MAST4: variants seen among roughly 807,000 people sequenced by gnomAD.
MAST4 encodes microtubule-associated serine/threonine-protein kinase 4.
MAST4 carries 89 observed loss-of-function variants against 162.7 expected under a neutral mutation model. The observed-to-expected ratio is 0.55, with a 90% CI of 0.46 to 0.65. The LOEUF (loss-of-function observed/expected upper bound fraction) is 0.65. MAST4 is among the 30% of genes least tolerant of loss of function. The pLI is 0.00. For missense variants in MAST4, 3,153 were observed against 3,374.0 expected, an observed-to-expected ratio of 0.93 and a Z score of 1.62; for synonymous variants, 1,479 against 1,361.1, an observed-to-expected ratio of 1.09 and a Z score of -1.91.
intron 1 of MAST4, among the ~76,000 whole-genome samples, chr5:66,612,060 G>T (rs752075601): frequency 6.6e-6 from 1 of 152,200 alleles, no homozygotes; most frequent in Non-Finnish European, 1.5e-5. Context: ...CCTAGAAAAT[G>T]AGGGCTTGAT....
intron 4 of MAST4, chr5:66,964,046 A>T (rs1020839547): frequency 6.3e-6 from 4 of 636,018 alleles, no homozygotes; most frequent in Middle Eastern, 5.1e-4. Flanking sequence ...TTAGGGAATG[A>T]TCTGCACTGA....
intron 4 of MAST4, among the ~76,000 whole-genome samples, chr5:66,906,571 G>A (rs1044343318): frequency 1.3e-5 from 2 of 152,122 alleles, no homozygotes; most frequent in Non-Finnish European, 2.9e-5. Context: ...AAACATTCCA[G>A]TATTAGAAAT....
intron 1 of MAST4, among the ~76,000 whole-genome samples, chr5:66,601,760 G>C (rs549316561): frequency 2.6e-4 from 39 of 152,286 alleles, no homozygotes; most frequent in Admixed American, 1.6e-3. Context: ...AGAGCTGTCT[G>C]GACTTTATTC....
At chr5:67,088,726 T>A (rs575041006) in intron 5 of MAST4, among the ~76,000 whole-genome samples, 1 of 152,308 alleles carries the variant, frequency 6.6e-6, no homozygotes, top group South Asian at 2.1e-4. Context: ...ATGATAAATT[T>A]CATTGCAGCA....
chr5:66,811,286 A>G (rs1416960105), intron 3 of MAST4, among the ~76,000 whole-genome samples: 4 of 152,244 alleles, frequency 2.6e-5, no homozygotes, highest in South Asian at 4.1e-4. Context: ...ATTGTTTGCA[A>G]ATTAGTGAAG....
At chr5:67,030,334 T>A (rs1755153684) in intron 4 of MAST4, among the ~76,000 whole-genome samples, 1 of 152,174 alleles carries the variant, frequency 6.6e-6, no homozygotes, top group Non-Finnish European at 1.5e-5. Context: ...GGTTGTTTTC[T>A]TTTTAAACTT....
chr5:66,934,808 A>T (rs933696634), intron 4 of MAST4, among the ~76,000 whole-genome samples: 1 of 152,216 alleles, frequency 6.6e-6, no homozygotes, highest in Non-Finnish European at 1.5e-5. Context: ...GTGGGGTGGC[A>T]GAGAATGTTG....
chr5:66,670,545 G>A (rs1747540434), intron 1 of MAST4, among the ~76,000 whole-genome samples: 1 of 152,086 alleles, frequency 6.6e-6, no homozygotes, highest in Non-Finnish European at 1.5e-5. Flanking sequence ...TGACATGAAA[G>A]TTTGGCTGGG....
intron 19 of MAST4, among the ~76,000 whole-genome samples, chr5:67,138,171 T>C (rs1769904512): frequency 6.6e-6 from 1 of 152,216 alleles, no homozygotes; most frequent in South Asian, 2.1e-4. Context: ...GAAAAGGAGC[T>C]TTCCGAAGTG....
At chr5:66,971,520 A>G (rs541820308) in intron 4 of MAST4, among the ~76,000 whole-genome samples, 3 of 152,182 alleles carry the variant, frequency 2.0e-5, no homozygotes, top group Non-Finnish European at 4.4e-5. Context: ...GAGCCCGGAC[A>G]CTTTCTTGAT....
rs182378620 is a variant in MAST4, at chr5:66,640,560, G to A, written c.363+43542G>A. 6.7e-3 allele frequency among the ~76,000 whole-genome samples: 1,025 copies of A among 152,196 alleles called. 2 individuals are homozygous for A. Among genetic ancestry groups the A allele is most frequent in the South Asian group, 0.028 (136 of 4,822 alleles). ...CCTGACCTTGTGATCCGCCTGCCTCGGCCCCCAAAGTGCTGGGATTACAGG... is the reference window on the plus strand; with the variant it reads ...CCTGACCTTGTGATCCGCCTGCCTCAGCCCCCAAAGTGCTGGGATTACAGG... On this transcript the variant is annotated intron_variant, in intron 1 of 28. Transcript: ENST00000403625.
chr5:66,804,593 G>C (rs1174111505), intron 3 of MAST4, among the ~76,000 whole-genome samples: 1 of 152,216 alleles, frequency 6.6e-6, no homozygotes, highest in Admixed American at 6.5e-5. Context: ...ACATGATTAA[G>C]TCTGGCATCA....
chr5:66,600,800 A>C (rs1465113543), intron 1 of MAST4, among the ~76,000 whole-genome samples: 3 of 152,212 alleles, frequency 2.0e-5, no homozygotes, highest in Admixed American at 6.5e-5. Context: ...CTTGTATATT[A>C]ACTGTTACTG....
chr5:66,824,524 C>T (rs963409198), intron 3 of MAST4, among the ~76,000 whole-genome samples: 2 of 152,222 alleles, frequency 1.3e-5, no homozygotes, highest in African/African-American at 2.4e-5. Context: ...AAATGTTCCT[C>T]ACAGCAGTTC....
At chr5:66,921,468 A>G (rs549520814) in intron 4 of MAST4, among the ~76,000 whole-genome samples, 31 of 152,212 alleles carry the variant, frequency 2.0e-4, no homozygotes, top group African/African-American at 7.5e-4. Flanking sequence ...CTAAAGATTA[A>G]AACTGCGGCC....
chr5:66,875,083 G>A (rs1273878601), intron 3 of MAST4, among the ~76,000 whole-genome samples: 1 of 152,168 alleles, frequency 6.6e-6, no homozygotes, highest in East Asian at 1.9e-4. Context: ...ACATTTTTGA[G>A]CCTTATTATG....
chr5:67,050,948 C>T (rs183787356), intron 4 of MAST4, among the ~76,000 whole-genome samples: 119 of 152,172 alleles, frequency 7.8e-4, no homozygotes, highest in African/African-American at 2.7e-3. Context: ...AGAATGAAGT[C>T]AAAAGAATGT....
At chr5:66,961,787 C>T (rs1349121375) in intron 4 of MAST4, among the ~76,000 whole-genome samples, 1 of 152,134 alleles carries the variant, frequency 6.6e-6, no homozygotes, top group Non-Finnish European at 1.5e-5. Context: ...TGTACATAGA[C>T]AAAATGATGG....
chr5:66,845,059 C>T (rs1250208295), intron 3 of MAST4, among the ~76,000 whole-genome samples: 2 of 116,542 alleles, frequency 1.7e-5, no homozygotes, highest in Non-Finnish European at 3.5e-5. Flanking sequence ...TGGAAAATAA[C>T]ACTGACCCAT....
Sources: gnomAD v4.1 joint callset for allele counts (sites outside exome capture counted in the v4.1 genomes callset) on GRCh38, gnomAD v4.1.1 for gene constraint, MANE v1.5 for transcripts, NCBI Gene and HGNC (gene_info 2026-07-23, HGNC 2026-07-21) for gene names.